HAVCR1: variants seen among roughly 807,000 people sequenced by gnomAD.
HAVCR1 encodes hepatitis A virus cellular receptor 1, also known as T cell immunoglobin domain and mucin domain protein 1.
Under a neutral mutation model 32.0 loss-of-function variants are expected in HAVCR1, and 34 were observed. The ratio of observed to expected loss-of-function variants is 1.06; its 90% CI spans 0.81 to 1.42. The LOEUF is 1.42. Among genes scored for constraint, HAVCR1 ranks in the 40% most tolerant of loss-of-function variants. HAVCR1 has a pLI of 0.00. For synonymous variants in HAVCR1, 178 were observed against 170.3 expected, an observed-to-expected ratio of 1.05 and a Z score of -0.35; for missense variants, 420 against 442.3, an observed-to-expected ratio of 0.95 and a Z score of 0.45.
chr5:157,060,029 T>C (rs553819801), upstream of HAVCR1, among the ~76,000 whole-genome samples: 22 of 152,074 alleles, frequency 1.4e-4, no homozygotes, highest in Admixed American at 8.5e-4. Context: ...CAACCAGTTA[T>C]TACTAACATA....
chr5:157,048,493 C>T (rs754438920), intron 5 of HAVCR1, among the ~76,000 whole-genome samples: 1 of 152,162 alleles, frequency 6.6e-6, no homozygotes, highest in African/African-American at 2.4e-5. Flanking sequence ...CCCATTTGAT[C>T]CTCACAAGCA....
Position 157,052,502 on chromosome 5 carries a change from C to A in HAVCR1, c.532G>T (p.Val178Phe), listed in dbSNP as rs768979845. 6.2e-7 allele frequency: 1 copy of A among 1,600,396 alleles called. No individual in the cohort carries two copies. The highest frequency in any genetic ancestry group is 1.7e-5 in the Admixed American group (1 of 58,738). Residue 178 changes from valine (V) to phenylalanine (F), a missense_variant, in exon 4 of 9, where the codon GTT becomes TTT. Physicochemically the swap from Val to Phe is conservative, Grantham distance 50. Coordinates refer to ENST00000523175, the MANE Select transcript of HAVCR1 (RefSeq NM_001173393.3). The part of the protein sequence containing the change: ...TTMSIPTTTT[V>F]LTTMTVSTTT... ...GTTGAAACAGTCATTGTCGTCAGAA[C>A]AGTCGTTGTCGTTGGAATGCTCATT...
At chr5:157,042,933 T>G (rs1042091904) in intron 5 of HAVCR1, among the ~76,000 whole-genome samples, 1 of 152,242 alleles carries the variant, frequency 6.6e-6, no homozygotes, top group Non-Finnish European at 1.5e-5. Flanking sequence ...ATTAAAAAAA[T>G]AATGCATGTG....
At chr5:157,044,674 A>G (rs202038638) in intron 5 of HAVCR1, among the ~76,000 whole-genome samples, 1,405 of 81,086 alleles carry the variant, frequency 0.017, 45 homozygotes, top group African/African-American at 0.029. Flanking sequence ...AGAAAGAAAG[A>G]AAGGAGGGAG....
chr5:157,058,250 G>A (rs1756344200), intron 1 of HAVCR1: 1 of 285,018 alleles, frequency 3.5e-6, no homozygotes, highest in Non-Finnish European at 6.7e-6. Flanking sequence ...TCCTGATACA[G>A]GGTATCAGGG....
intron 4 of HAVCR1, among the ~76,000 whole-genome samples, chr5:157,050,148 C>A (rs1755652490): frequency 6.6e-6 from 1 of 152,196 alleles, no homozygotes. Context: ...CACTTTTCAA[C>A]ATCGCTCTTT....
chr5:157,032,942 A>G (rs1477184159), intron 7 of HAVCR1, 55 bp from the exon 8 acceptor site: 1 of 1,047,144 alleles, frequency 9.5e-7, no homozygotes, highest in Non-Finnish European at 1.4e-6. Flanking sequence ...ACATCTCAGC[A>G]AGAGTTTTAA....
chr5:157,039,084 C>T (rs998231218), intron 6 of HAVCR1, among the ~76,000 whole-genome samples: 2 of 152,234 alleles, frequency 1.3e-5, no homozygotes, highest in African/African-American at 4.8e-5. Context: ...CGTGCCACTG[C>T]ACTCCAGCCT....
Position 157,029,670 on chromosome 5 carries a change from T to C in HAVCR1, c.*63A>G. The C allele has an allele frequency of 6.2e-7, 1 of 1,607,544 alleles. No homozygotes were observed. The highest frequency in any genetic ancestry group is 8.5e-7 in the Non-Finnish European group (1 of 1,177,944). On this transcript the variant is annotated 3_prime_UTR_variant, in exon 9 of 9. Coordinates refer to ENST00000523175, the MANE Select transcript of HAVCR1 (RefSeq NM_001173393.3). ...CTTGGGGTCTAAAAGACGTCTGATG[T>C]GCTGATGTCTGTTCAGTCTTCTGCA... is the stretch of plus-strand genomic sequence containing the variant.
At chr5:157,031,185 G>A (rs68145045) in intron 8 of HAVCR1, among the ~76,000 whole-genome samples, 52,959 of 151,902 alleles carry the variant, frequency 0.35, 9,799 homozygotes, top group East Asian at 0.62. Context: ...TGCCTCTCTC[G>A]CAGTTTATTG....
intron 5 of HAVCR1, among the ~76,000 whole-genome samples, chr5:157,047,261 A>G (rs1483624842): frequency 6.6e-6 from 1 of 151,974 alleles, no homozygotes; most frequent in Admixed American, 6.6e-5. Flanking sequence ...TTCCATAAAA[A>G]CCCAAAAGGC....
upstream of HAVCR1, among the ~76,000 whole-genome samples, chr5:157,063,735 G>A (rs188799744): frequency 2.0e-5 from 3 of 152,364 alleles, no homozygotes; most frequent in Admixed American, 2.0e-4. Context: ...TGGGAGTGGA[G>A]GGTTGAGGAG....
intron 7 of HAVCR1, 79 bp from the exon 8 acceptor site, chr5:157,032,966 C>T (rs1341914662): frequency 1.1e-6 from 1 of 886,018 alleles, no homozygotes; most frequent in Non-Finnish European, 1.8e-6. Flanking sequence ...TTTTTTCAAT[C>T]AAGTGTATTA....
chr5:157,060,489 T>G (rs1442404793), upstream of HAVCR1, among the ~76,000 whole-genome samples: 2 of 152,202 alleles, frequency 1.3e-5, no homozygotes, highest in Non-Finnish European at 2.9e-5. Context: ...CTGGACATTT[T>G]TCACAGGTCC....
At chr5:157,033,027 C>A in intron 7 of HAVCR1, 140 bp from the exon 8 acceptor site, 1 of 575,552 alleles carries the variant, frequency 1.7e-6, no homozygotes, top group East Asian at 2.9e-5. Context: ...GTCTCCTTCC[C>A]ATGTCCCTTT....
the HAVCR1 span, among the ~76,000 whole-genome samples, chr5:157,064,763 G>A: frequency 6.6e-6 from 1 of 152,166 alleles, no homozygotes; most frequent in Non-Finnish European, 1.5e-5. Context: ...AGCTACTCAG[G>A]AGGCTGAGCC....
the HAVCR1 span, among the ~76,000 whole-genome samples, chr5:157,066,432 G>T: frequency 1.3e-5 from 2 of 150,886 alleles, no homozygotes; most frequent in African/African-American, 4.9e-5. Context: ...TTGAGCCCAG[G>T]AGTTTGAGGC....
At chr5:157,041,266 G>A (rs1485845873) in intron 6 of HAVCR1, among the ~76,000 whole-genome samples, 1 of 152,156 alleles carries the variant, frequency 6.6e-6, no homozygotes, top group Non-Finnish European at 1.5e-5. Context: ...GGGAGGCCAA[G>A]GCGGGAGGAT....
At chr5:157,067,128 G>A in the HAVCR1 span, among the ~76,000 whole-genome samples, 1 of 152,196 alleles carries the variant, frequency 6.6e-6, no homozygotes, top group Non-Finnish European at 1.5e-5. Flanking sequence ...CAGCACTCAG[G>A]TATCACTGGA....
Sources: allele counts gnomAD v4.1 joint callset (sites outside exome capture counted in the v4.1 genomes callset), GRCh38; gene constraint gnomAD v4.1.1; transcripts MANE v1.5; gene names NCBI Gene and HGNC (gene_info 2026-07-23, HGNC 2026-07-21).